The following ADAMTS17 variants were observed in gnomAD, a reference collection of about 807,000 sequenced individuals.
The protein encoded by ADAMTS17 is ADAM metallopeptidase with thrombospondin type 1 motif 17.
Under a neutral mutation model 141.5 loss-of-function variants are expected in ADAMTS17, and 113 were observed. The observed-to-expected ratio is 0.80, with a 90% CI of 0.69 to 0.93. The LOEUF is 0.93. Ranked by LOEUF, ADAMTS17 falls within the 40% of genes least tolerant of loss-of-function variation. The probability of loss-of-function intolerance (pLI) is 0.00; values close to 1 mark genes in which losing one functional copy is unlikely to be tolerated. For missense variants in ADAMTS17, 1,659 were observed against 1,517.9 expected (o/e 1.09, Z -1.54); for synonymous variants, 768 against 630.6 (o/e 1.22, Z -3.27).
intron 10 of ADAMTS17, among the ~76,000 whole-genome samples, chr15:100,146,025 T>C (rs2038886194): frequency 6.6e-6 from 1 of 152,078 alleles, no homozygotes; most frequent in South Asian, 2.1e-4. Context: ...ATACAAAAAT[T>C]AGCTGGGTGT....
At chr15:100,116,543 T>C (rs2037142375) in intron 13 of ADAMTS17, among the ~76,000 whole-genome samples, 1 of 152,152 alleles carries the variant, frequency 6.6e-6, no homozygotes, top group African/African-American at 2.4e-5. Flanking sequence ...TCGTCCTGGG[T>C]CCCTCCACAC....
chr15:100,057,972 T>C (rs1038990622), intron 15 of ADAMTS17, among the ~76,000 whole-genome samples: 9 of 151,982 alleles, frequency 5.9e-5, no homozygotes, highest in Non-Finnish European at 8.8e-5. Flanking sequence ...AAAAAAAAGC[T>C]AATCACGATG....
intron 18 of ADAMTS17, among the ~76,000 whole-genome samples, chr15:100,000,684 T>C (rs1465505221): frequency 6.6e-6 from 1 of 152,116 alleles, no homozygotes; most frequent in Admixed American, 6.6e-5. Context: ...TGACTAATTT[T>C]TGTATTTTTA....
intron 18 of ADAMTS17, among the ~76,000 whole-genome samples, chr15:100,016,689 T>C (rs2061296513): frequency 6.6e-6 from 1 of 152,160 alleles, no homozygotes; most frequent in Admixed American, 6.5e-5. Flanking sequence ...TATTGAGGCT[T>C]GTCTGCACAG....
chr15:100,296,416 CTTTT>C (rs1032135277), intron 3 of ADAMTS17, among the ~76,000 whole-genome samples: 2 of 150,564 alleles, frequency 1.3e-5, no homozygotes, highest in Non-Finnish European at 2.9e-5. Context: ...CCTTCTCTTT[CTTTT>C]TTTTTCCAAA....
intron 7 of ADAMTS17, among the ~76,000 whole-genome samples, chr15:100,229,783 T>C (rs1054614230): frequency 1.3e-5 from 2 of 152,160 alleles, no homozygotes; most frequent in Non-Finnish European, 2.9e-5. Flanking sequence ...ACATCTTCCT[T>C]TGAAGTGTAG....
intron 4 of ADAMTS17, among the ~76,000 whole-genome samples, chr15:100,262,814 T>C (rs1210176310): frequency 6.8e-6 from 1 of 147,634 alleles, no homozygotes; most frequent in East Asian, 2.0e-4. Flanking sequence ...ACCTAAAGAA[T>C]AATTATGTGA....
chr15:100,118,003 C>G (rs2141156591), intron 12 of ADAMTS17, among the ~76,000 whole-genome samples: 1 of 152,308 alleles, frequency 6.6e-6, no homozygotes, highest in East Asian at 1.9e-4. Flanking sequence ...TGCCATTTTC[C>G]ATGTTCAGAG....
intron 15 of ADAMTS17, among the ~76,000 whole-genome samples, chr15:100,073,698 G>T (rs998693915): frequency 6.8e-6 from 1 of 147,794 alleles, no homozygotes; most frequent in Non-Finnish European, 1.5e-5. Context: ...TCACTCATAG[G>T]TGGGAATTGA....
At chr15:100,000,001 C>T (rs1338738137) in intron 18 of ADAMTS17, among the ~76,000 whole-genome samples, 1 of 152,178 alleles carries the variant, frequency 6.6e-6, no homozygotes, top group East Asian at 1.9e-4. Flanking sequence ...GCTCGCATGG[C>T]AGGGATGGGA....
chr15:99,995,348 C>T (rs2060779252), intron 19 of ADAMTS17, among the ~76,000 whole-genome samples: 1 of 152,222 alleles, frequency 6.6e-6, no homozygotes, highest in Non-Finnish European at 1.5e-5. Context: ...CACCTCCTCC[C>T]CTTGAATTTC....
intron 20 of ADAMTS17, among the ~76,000 whole-genome samples, chr15:99,989,854 G>A (rs1020880841): frequency 3.3e-5 from 5 of 152,218 alleles, no homozygotes; most frequent in African/African-American, 1.2e-4. Context: ...AATGAAATGG[G>A]TTTAGTTGTC....
At chr15:100,159,416 G>A in intron 8 of ADAMTS17, among the ~76,000 whole-genome samples, 1 of 152,130 alleles carries the variant, frequency 6.6e-6, no homozygotes, top group South Asian at 2.1e-4. Flanking sequence ...ACTGTTAAAG[G>A]AACTGACTGG....
intron 3 of ADAMTS17, among the ~76,000 whole-genome samples, chr15:100,327,314 G>T (rs976503236): frequency 1.3e-5 from 2 of 152,150 alleles, no homozygotes; most frequent in African/African-American, 4.8e-5. Context: ...TGCTATAAAT[G>T]AACAAACAAT....
At chr15:100,027,195 C>G (rs1002559291) in intron 18 of ADAMTS17, among the ~76,000 whole-genome samples, 7 of 152,222 alleles carry the variant, frequency 4.6e-5, no homozygotes, top group Non-Finnish European at 1.0e-4. Flanking sequence ...TTGACTTCCA[C>G]CCACTCTCTA....
At chr15:100,217,784 T>C (rs1344771556) in intron 7 of ADAMTS17, among the ~76,000 whole-genome samples, 2 of 152,212 alleles carry the variant, frequency 1.3e-5, no homozygotes, top group Admixed American at 1.3e-4. Flanking sequence ...TTGCCAATCA[T>C]CTATCTGGTA....
At chr15:100,180,112 C>T (rs1159890667) in intron 8 of ADAMTS17, among the ~76,000 whole-genome samples, 1 of 152,176 alleles carries the variant, frequency 6.6e-6, no homozygotes, top group Non-Finnish European at 1.5e-5. Context: ...AGACCACTGT[C>T]CTGGAGTGTC....
chr15:100,240,523 C>A (rs771330804), intron 7 of ADAMTS17, among the ~76,000 whole-genome samples: 3 of 152,176 alleles, frequency 2.0e-5, no homozygotes, highest in Non-Finnish European at 4.4e-5. Context: ...ACTCCTCTAC[C>A]AGGAAGAACA....
chr15:100,022,335 C>T (rs2061421148), intron 18 of ADAMTS17, among the ~76,000 whole-genome samples: 1 of 152,184 alleles, frequency 6.6e-6, no homozygotes, highest in African/African-American at 2.4e-5. Context: ...CCCACTAAGG[C>T]AGCGTGTGCT....
Sources: gnomAD v4.1 joint callset for allele counts (sites outside exome capture counted in the v4.1 genomes callset) on GRCh38, gnomAD v4.1.1 for gene constraint, MANE v1.5 for transcripts, NCBI Gene and HGNC (gene_info 2026-07-23, HGNC 2026-07-21) for gene names.